The following TRPM3 variants were observed in gnomAD, a reference collection of about 807,000 sequenced individuals.
TRPM3 encodes long transient receptor potential channel 3.
In TRPM3, 77 loss-of-function variants were observed where a neutral mutation model predicts 181.2. The ratio of observed to expected loss-of-function variants is 0.42; its 90% CI spans 0.35 to 0.51. TRPM3 has a LOEUF of 0.51. Among genes scored for constraint, TRPM3 ranks in the 20% least tolerant of loss-of-function variants. The pLI is 0.01. For synonymous variants in TRPM3, 745 were observed against 796.4 expected (o/e 0.94, Z 1.09); for missense variants, 1,759 against 2,196.7 (o/e 0.80, Z 3.98).
At chr9:70,686,675 C>CTCCTTCCTTCTTTCCTTCTTTCCTTCCT (rs1563993930) in intron 8 of TRPM3, among the ~76,000 whole-genome samples, 11 of 82,654 alleles carry the variant, frequency 1.3e-4, no homozygotes, top group African/African-American at 4.9e-4. Flanking sequence ...TTCCTGGAAA[C>CTCCTTCCTTCTTTCCTTCTTTCCTTCCT]TCCTTCCTTC....
chr9:70,536,248 G>A lies in TRPM3; in HGVS notation c.4865C>T (p.Ala1622Val). 1 of 1,614,248 alleles carries A rather than the reference G, an allele frequency of 6.2e-7. No homozygotes were observed. Among genetic ancestry groups the A allele is most frequent in the Non-Finnish European group, 8.5e-7 (1 of 1,180,042 alleles). Residue 1622 changes from alanine (A) to valine (V), a missense_variant, in exon 26 of 26, where the codon GCA (alanine) becomes GTA (valine). Ala to Val is a moderately conservative substitution (Grantham distance 64). Coordinates refer to ENST00000677713, the MANE Select transcript of TRPM3 (RefSeq NM_001366145.2). ...GTTATCACCCTCCTGGGAGGATATT[G>A]CAATGGTGGCTCTGCGGCCTTTGGC... ...NEAKGRRATI[A>V]ISSQEGDNSE... is the part of the protein sequence containing the mutation.
At chr9:70,948,952 A>G (rs1197093329) in intron 1 of TRPM3, among the ~76,000 whole-genome samples, 2 of 152,078 alleles carry the variant, frequency 1.3e-5, no homozygotes, top group African/African-American at 2.4e-5. Context: ...TGATCCTGGC[A>G]TTTTTCTTGA....
At chr9:70,629,334 T>C (rs1013853543) in intron 12 of TRPM3, among the ~76,000 whole-genome samples, 1 of 151,636 alleles carries the variant, frequency 6.6e-6, no homozygotes, top group African/African-American at 2.4e-5. Flanking sequence ...TTTTTTGTTT[T>C]GTTTTGTTTT....
At chr9:71,293,145 T>A (rs1029883006) in intron 1 of TRPM3, among the ~76,000 whole-genome samples, 4 of 151,666 alleles carry the variant, frequency 2.6e-5, no homozygotes, top group Admixed American at 6.6e-5. Context: ...AAATACAACT[T>A]CATCTTGATA....
At chr9:70,610,246 C>T (rs555210426) in intron 19 of TRPM3, among the ~76,000 whole-genome samples, 4 of 152,276 alleles carry the variant, frequency 2.6e-5, no homozygotes, top group South Asian at 4.1e-4. Flanking sequence ...CCCCCAAATC[C>T]GGGACTGACA....
At chr9:71,211,373 T>TC (rs2079493747) in intron 1 of TRPM3, among the ~76,000 whole-genome samples, 1 of 151,842 alleles carries the variant, frequency 6.6e-6, no homozygotes, top group Admixed American at 6.6e-5. Flanking sequence ...TTTTTTTTTT[T>TC]TAAATAGGAA....
chr9:71,302,486 G>A (rs760092813), intron 1 of TRPM3, among the ~76,000 whole-genome samples: 1 of 152,160 alleles, frequency 6.6e-6, no homozygotes, highest in Non-Finnish European at 1.5e-5. Flanking sequence ...CTAAAATGCT[G>A]TTTGATATAA....
chr9:70,802,353 G>A (rs1398462719), intron 6 of TRPM3, among the ~76,000 whole-genome samples: 1 of 152,182 alleles, frequency 6.6e-6, no homozygotes, highest in African/African-American at 2.4e-5. Flanking sequence ...ATGGACTCTT[G>A]TAACTACTCA....
chr9:70,959,771 C>T (rs1237208241), intron 1 of TRPM3, among the ~76,000 whole-genome samples: 3 of 152,116 alleles, frequency 2.0e-5, no homozygotes, highest in Admixed American at 6.6e-5. Context: ...TTCATTTTCC[C>T]GTCCCTTTTA....
chr9:71,425,126 T>C (rs998871144), intron 1 of TRPM3, among the ~76,000 whole-genome samples: 3 of 152,116 alleles, frequency 2.0e-5, no homozygotes, highest in Non-Finnish European at 4.4e-5. Flanking sequence ...TCTATTTCCC[T>C]GGATAGCTCT....
intron 1 of TRPM3, among the ~76,000 whole-genome samples, chr9:71,342,504 G>A (rs1022510326): frequency 2.6e-5 from 4 of 151,802 alleles, no homozygotes; most frequent in East Asian, 1.9e-4. Flanking sequence ...TCCATGAAGC[G>A]ATATGAAATA....
chr9:70,997,132 G>C (rs969242011), intron 1 of TRPM3, among the ~76,000 whole-genome samples: 2 of 152,138 alleles, frequency 1.3e-5, no homozygotes, highest in Admixed American at 1.3e-4. Flanking sequence ...CTTCAGAAAT[G>C]CACTTCATTT....
chr9:71,132,714 T>G (rs6560177), intron 1 of TRPM3, among the ~76,000 whole-genome samples: 144,140 of 152,164 alleles, frequency 0.95, 68,422 homozygotes, highest in South Asian at 0.98. Context: ...TCTATTCTTC[T>G]ATTATCCATC....
intron 19 of TRPM3, among the ~76,000 whole-genome samples, chr9:70,603,980 G>A (rs940028481): frequency 2.6e-5 from 4 of 152,190 alleles, no homozygotes; most frequent in East Asian, 1.9e-4. Context: ...AAAGTGCTTC[G>A]CTTGTCAGTG....
At position 71,381,023 on chromosome 9, in the gene TRPM3, G is replaced by A. The variant is rs181681668; in HGVS notation, c.183+65630C>T. 1.8e-3 allele frequency among the ~76,000 whole-genome samples: 280 copies of A among 152,148 alleles called. 2 individuals carry two copies. Among genetic ancestry groups the A allele is most frequent in the African/African-American group, 6.6e-3 (276 of 41,518 alleles). On this transcript the variant is annotated intron_variant, in intron 1 of 24. Coordinates refer to the TRPM3 transcript ENST00000357533. The stretch of plus-strand genomic sequence containing the variant: ...ATACTATATACACAAGTTAAGATAA[G>A]CAAGTGTGAGATTGGTGTTGAGATT...
At chr9:70,787,251 G>A (rs895175942) in intron 6 of TRPM3, among the ~76,000 whole-genome samples, 3 of 147,260 alleles carry the variant, frequency 2.0e-5, no homozygotes, top group African/African-American at 7.4e-5. Flanking sequence ...TTAATCCAGA[G>A]CTGAACACAC....
chr9:70,631,767 T>C (rs75631029), intron 12 of TRPM3, among the ~76,000 whole-genome samples: 1,559 of 152,306 alleles, frequency 0.01, 27 homozygotes, highest in African/African-American at 0.036. Flanking sequence ...TGCTCCTAGA[T>C]TGTTCCCTTG....
At chr9:71,167,405 A>C (rs1057288435) in intron 1 of TRPM3, among the ~76,000 whole-genome samples, 4 of 150,382 alleles carry the variant, frequency 2.7e-5, no homozygotes, top group African/African-American at 9.7e-5. Context: ...CATGAAGGAC[A>C]CAAGCGTGAA....
At chr9:71,348,901 G>GT (rs35295263) in intron 1 of TRPM3, among the ~76,000 whole-genome samples, 2,596 of 152,250 alleles carry the variant, frequency 0.017, 30 homozygotes, top group Non-Finnish European at 0.026. Flanking sequence ...GAATGAGAAT[G>GT]TAAGTTAGTT....
Sources: allele counts gnomAD v4.1 joint callset (sites outside exome capture counted in the v4.1 genomes callset), GRCh38; gene constraint gnomAD v4.1.1; transcripts MANE v1.5; gene names NCBI Gene and HGNC (gene_info 2026-07-23, HGNC 2026-07-21).